Variants in ZNF420 observed in about 807,000 individuals in gnomAD.
ZNF420 encodes ATM and p53-associated KZNF protein.
ZNF420 carries 31 observed loss-of-function variants against 44.7 expected under a neutral mutation model. The observed-to-expected ratio is 0.69, with a 90% CI of 0.52 to 0.94. ZNF420 has a LOEUF of 0.94. Among genes scored for constraint, ZNF420 ranks in the 40% least tolerant of loss-of-function variants. ZNF420 has a pLI of 0.00. For missense variants in ZNF420, 681 were observed against 827.9 expected (o/e 0.82, Z 2.18); for synonymous variants, 245 against 267.4 (o/e 0.92, Z 0.82).
At chr19:37,084,525 A>C (rs965415445) in intron 2 of ZNF420, among the ~76,000 whole-genome samples, 2 of 152,142 alleles carry the variant, frequency 1.3e-5, no homozygotes, top group African/African-American at 4.8e-5. Context: ...TTTTAGTATT[A>C]TGGTTATTTG....
chr19:37,014,895 A>T (rs923932441), intron 1 of ZNF420, among the ~76,000 whole-genome samples: 1 of 152,272 alleles, frequency 6.6e-6, no homozygotes, highest in African/African-American at 2.4e-5. Context: ...AAGAAACGTC[A>T]AGCAGGGCCC....
chr19:37,010,484 C>A (rs1246845572), intron 1 of ZNF420, among the ~76,000 whole-genome samples: 2 of 152,082 alleles, frequency 1.3e-5, no homozygotes, highest in Non-Finnish European at 2.9e-5. Context: ...CTATGTGTTT[C>A]TGTGCCACTG....
chr19:37,020,689 A>G (rs2074642108), intron 1 of ZNF420, among the ~76,000 whole-genome samples: 1 of 152,264 alleles, frequency 6.6e-6, no homozygotes, highest in Admixed American at 6.5e-5. Context: ...TGCAGTAAAT[A>G]CACACAGTGC....
chr19:37,127,220 G>C lies in ZNF420; in HGVS notation c.229G>C (p.Glu77Gln). The change falls in exon 5 of 5, where the codon GAA becomes CAA. Residue 77 changes from glutamate to glutamine, a missense_variant. Around this residue, in one of 3 missense-constraint regions of ZNF420, gnomAD observed 350 missense variants for 382.5 expected, o/e 0.92. Transcript: ENST00000337995. ...CCAATGGGAAATGAGTGACAGACTT[G>C]AAAACTGTGATCTTGAAGAGTCCAA... ...LSQWEMSDRL[E>Q]NCDLEESNSR... The C allele has an allele frequency of 1.2e-6, 2 of 1,607,782 alleles. No individual in the cohort carries two copies. The highest frequency in any genetic ancestry group is 1.1e-5 in the South Asian group (1 of 89,962).
chr19:37,086,228 C>G (rs1422098649), intron 2 of ZNF420, among the ~76,000 whole-genome samples: 1 of 152,082 alleles, frequency 6.6e-6, no homozygotes, highest in Non-Finnish European at 1.5e-5. Context: ...TGACTCACTT[C>G]TGCACTGATC....
At chr19:37,040,218 T>G (rs1446308302) in intron 1 of ZNF420, among the ~76,000 whole-genome samples, 1 of 152,224 alleles carries the variant, frequency 6.6e-6, no homozygotes, top group Non-Finnish European at 1.5e-5. Flanking sequence ...ACTTGCAGCT[T>G]CATCTTGCAC....
At chr19:37,064,633 C>G (rs772411211) in intron 1 of ZNF420, among the ~76,000 whole-genome samples, 7 of 152,106 alleles carry the variant, frequency 4.6e-5, no homozygotes, top group Non-Finnish European at 1.0e-4. Context: ...ATCAGTCCCC[C>G]CTAGAAGAAG....
chr19:37,076,949 C>T (rs1968172749), upstream of ZNF420, among the ~76,000 whole-genome samples: 2 of 152,140 alleles, frequency 1.3e-5, no homozygotes. Flanking sequence ...CAGGTTCATT[C>T]CCTCAAGAAT....
At chr19:37,038,993 A>AAAAAG (rs1555747846) in intron 1 of ZNF420, among the ~76,000 whole-genome samples, 2 of 151,892 alleles carry the variant, frequency 1.3e-5, no homozygotes, top group Non-Finnish European at 2.9e-5. Flanking sequence ...TCTCAAAAAA[A>AAAAAG]AAAAGAAAAG....
At chr19:37,101,127 T>C (rs954715730) in intron 4 of ZNF420, among the ~76,000 whole-genome samples, 2 of 152,158 alleles carry the variant, frequency 1.3e-5, no homozygotes, top group Admixed American at 1.3e-4. Flanking sequence ...TTTGTTCATT[T>C]GTTGAGCTCA....
At position 37,033,392 on chromosome 19, in the gene ZNF420, C is replaced by T. The variant is rs542546586; in HGVS notation, c.-125+25310C>T. On this transcript the variant is annotated intron_variant, in intron 1 of 4. Coordinates refer to the ZNF420 transcript ENST00000587029. Reference sequence around the variant, plus strand: ...ACTCTCTCCTCCCAGTACCTGGGAACCATCATTCTACTTTTGGTTTCTATG... The same window carrying T: ...ACTCTCTCCTCCCAGTACCTGGGAATCATCATTCTACTTTTGGTTTCTATG... 3.9e-5 allele frequency among the ~76,000 whole-genome samples: 6 copies of T among 152,232 alleles called. No homozygotes were observed. The South Asian group carries it at 6.2e-4, about 16-fold the overall frequency.
chr19:37,120,138 C>T (rs1970944768), intron 4 of ZNF420, among the ~76,000 whole-genome samples: 1 of 152,184 alleles, frequency 6.6e-6, no homozygotes, highest in Non-Finnish European at 1.5e-5. Flanking sequence ...CAGCATCATC[C>T]TGATACCAAA....
At chr19:37,091,165 G>T in intron 4 of ZNF420, 44 bp downstream of exon 4, 2 of 1,469,486 alleles carry the variant, frequency 1.4e-6, no homozygotes, top group Non-Finnish European at 9.0e-7. Context: ...CCTTTGGATT[G>T]GCTGCTTTCT....
chr19:37,121,731 C>G (rs1263856579), intron 4 of ZNF420, among the ~76,000 whole-genome samples: 2 of 152,170 alleles, frequency 1.3e-5, no homozygotes, highest in East Asian at 3.8e-4. Flanking sequence ...ACTCCTCTGA[C>G]AAAGGGCTAA....
intron 1 of ZNF420, among the ~76,000 whole-genome samples, chr19:37,036,257 A>G (rs187652164): frequency 6.6e-6 from 1 of 152,372 alleles, no homozygotes; most frequent in East Asian, 1.9e-4. Context: ...AACACAAACA[A>G]TTGATAAATG....
intron 1 of ZNF420, among the ~76,000 whole-genome samples, chr19:37,008,330 G>A (rs1392288786): frequency 6.6e-6 from 1 of 152,266 alleles, no homozygotes; most frequent in Non-Finnish European, 1.5e-5. Context: ...GTCCGTGTGA[G>A]TGTGTTGTCA....
At chr19:37,112,930 G>A (rs1417197513) in intron 4 of ZNF420, among the ~76,000 whole-genome samples, 1 of 152,054 alleles carries the variant, frequency 6.6e-6, no homozygotes, top group Non-Finnish European at 1.5e-5. Context: ...TGGAAGCAGA[G>A]AGACTGCTTG....
chr19:37,008,225 G>A, intron 1 of ZNF420: 1 of 306,784 alleles, frequency 3.3e-6, no homozygotes, highest in Non-Finnish European at 6.2e-6. Flanking sequence ...GGGCGGGGGG[G>A]GATGTTTGTG....
intron 4 of ZNF420, among the ~76,000 whole-genome samples, chr19:37,096,551 G>A (rs902024506): frequency 6.6e-6 from 1 of 152,064 alleles, no homozygotes; most frequent in Non-Finnish European, 1.5e-5. Context: ...CTGCTCTTTT[G>A]TTGAGGAAAG....
Sources: allele counts gnomAD v4.1 joint callset (sites outside exome capture counted in the v4.1 genomes callset), GRCh38; gene constraint gnomAD v4.1.1; regional missense constraint gnomAD v4.1.1; transcripts MANE v1.5; gene names NCBI Gene and HGNC (gene_info 2026-07-23, HGNC 2026-07-21).